Variants in SUCO observed in about 807,000 individuals in gnomAD.
SUCO encodes the protein SUN domain-containing ossification factor.
A neutral mutation model predicts 148.1 loss-of-function variants in SUCO; 57 were observed. The ratio of observed to expected loss-of-function variants is 0.38; its 90% CI spans 0.31 to 0.48. SUCO has a LOEUF of 0.48. Ranked by LOEUF, SUCO falls within the 20% of genes least tolerant of loss-of-function variation. The pLI is 0.96. For missense variants in SUCO, 1,331 were observed against 1,468.2 expected, an observed-to-expected ratio of 0.91 and a Z score of 1.53; for synonymous variants, 470 against 502.7, an observed-to-expected ratio of 0.93 and a Z score of 0.87.
At chr1:172,532,595 G>T (rs528809446), upstream of SUCO, 16 of 1,613,960 alleles carry the variant, frequency 9.9e-6, no homozygotes, top group Middle Eastern at 1.6e-4. Flanking sequence ...GTCATTCTAG[G>T]CCATTCCACG....
intron 3 of SUCO, among the ~76,000 whole-genome samples, chr1:172,555,050 C>T (rs1184512506): frequency 6.6e-6 from 1 of 152,086 alleles, no homozygotes; most frequent in African/African-American, 2.4e-5. Context: ...TTGAGCTGAA[C>T]ATGAGTACCT....
chr1:172,596,271 C>T (rs966356909), intron 19 of SUCO, among the ~76,000 whole-genome samples: 1 of 152,168 alleles, frequency 6.6e-6, no homozygotes, highest in Non-Finnish European at 1.5e-5. Context: ...TTGTCTGAAG[C>T]CTACTTCTGT....
At chr1:172,561,540 A>C (rs1370885202) in intron 6 of SUCO, among the ~76,000 whole-genome samples, 2 of 152,176 alleles carry the variant, frequency 1.3e-5, no homozygotes, top group Admixed American at 1.3e-4. Context: ...TGGGAGAGCA[A>C]ACAAGATTAA....
rs1222319530 is a variant in SUCO, at chr1:172,556,010, A to G, written c.430A>G (p.Ile144Val). ...CTCATCTACCTCAGAAATCACTCCA[A>G]TCTCAAAGCTTGAGTAAGTTGTTAC... The part of the protein sequence containing the change: ...SSSSTSEITP[I>V]SKLDEIEKSG... The change falls in exon 4 of 24, where the codon ATC (isoleucine) becomes GTC (valine). Residue 144 changes from isoleucine (I) to valine (V), a missense_variant. Ile to Val is a conservative substitution (Grantham distance 29). Around this residue, in one of 3 missense-constraint regions of SUCO, gnomAD observed 992 missense variants for 1,093.5 expected, o/e 0.91. Coordinates refer to ENST00000263688, the MANE Select transcript of SUCO (RefSeq NM_014283.5). 6 of 1,611,356 alleles carry G rather than the reference A, an allele frequency of 3.7e-6. No homozygotes were observed. Among genetic ancestry groups the G allele is most frequent in the African/African-American group, 1.3e-5 (1 of 74,846 alleles).
chr1:172,534,470 G>A (rs1651866056), intron 1 of SUCO, among the ~76,000 whole-genome samples: 1 of 152,116 alleles, frequency 6.6e-6, no homozygotes, highest in South Asian at 2.1e-4. Context: ...CATTTTTATG[G>A]ATGCCTTATG....
intron 6 of SUCO, among the ~76,000 whole-genome samples, chr1:172,565,625 G>A (rs1216584477): frequency 1.3e-5 from 2 of 152,196 alleles, no homozygotes; most frequent in Non-Finnish European, 2.9e-5. Context: ...ACTGAGTTGA[G>A]GTCACAGAAT....
At position 172,611,598 on chromosome 1, in the gene SUCO, A is replaced by G. The variant is rs1658218567; in HGVS notation, c.*1339A>G. ...GTTTAAGTTGCTGCTTTAGGTTAAC[A>G]GCGTGTTTTAGAAGATTTAAATTTC... On this transcript the variant is annotated 3_prime_UTR_variant, in exon 24 of 24. Transcript: ENST00000263688. 1 of 152,612 alleles carries G rather than the reference A, an allele frequency of 6.6e-6. No individual in the cohort carries two copies. The highest frequency in any genetic ancestry group is 6.5e-5 in the Admixed American group (1 of 15,268). The allele number at this position is 152,612 out of a possible 1,614,324, so 9.5% of individuals were successfully genotyped here.
chr1:172,601,299 C>T lies in SUCO; in HGVS notation c.3019-765C>T, dbSNP rs147779238. Among the ~76,000 whole-genome samples, 25 of 152,044 alleles carry T rather than the reference C, an allele frequency of 1.6e-4. No individual in the cohort carries two copies. In the East Asian group the frequency reaches 4.1e-3, roughly 25 times the overall value. On this transcript the variant is annotated intron_variant, in intron 20 of 23. Transcript: ENST00000263688. ...GAGGTCAGGAGGTGGAGACCAGCCT[C>T]GCCAACATGATGAAACGCCGTCTCT...
chr1:172,592,068 T>C (rs1656714863), intron 19 of SUCO, among the ~76,000 whole-genome samples: 1 of 152,250 alleles, frequency 6.6e-6, no homozygotes, highest in Admixed American at 6.5e-5. Flanking sequence ...GTTGGCTGCA[T>C]AAATGTCTTC....
At chr1:172,544,116 A>C in intron 1 of SUCO, 5 of 956,158 alleles carry the variant, frequency 5.2e-6, no homozygotes, top group Non-Finnish European at 6.2e-6. Flanking sequence ...ATATTCAAAA[A>C]CTACAATTTT....
chr1:172,551,743 G>A (rs1393246142), intron 2 of SUCO, 117 bp downstream of exon 2: 13 of 631,710 alleles, frequency 2.1e-5, no homozygotes, highest in Non-Finnish European at 3.2e-5. Context: ...GTGGAGATTC[G>A]TATTTTTCTT....
chr1:172,570,479 A>G (rs1654876586), intron 8 of SUCO, 184 bp from the exon 9 acceptor site: 1 of 566,882 alleles, frequency 1.8e-6, no homozygotes, highest in Non-Finnish European at 3.1e-6. Flanking sequence ...ACACTAATTT[A>G]ATGCTGTTGC....
At chr1:172,607,362 G>A (rs1343973859) in intron 22 of SUCO, among the ~76,000 whole-genome samples, 1 of 151,472 alleles carries the variant, frequency 6.6e-6, no homozygotes, top group East Asian at 1.9e-4. Context: ...TGATAATTTG[G>A]ACTGCAAGTT....
At chr1:172,563,554 A>G (rs1160500251) in intron 6 of SUCO, among the ~76,000 whole-genome samples, 1 of 152,208 alleles carries the variant, frequency 6.6e-6, no homozygotes, top group African/African-American at 2.4e-5. Context: ...TCTAGGCAGT[A>G]AAGTATTCAA....
upstream of SUCO, chr1:172,532,745 C>A (rs760324847): frequency 2.2e-5 from 35 of 1,613,802 alleles, no homozygotes; most frequent in South Asian, 3.3e-5. Context: ...TTCTGGAAGG[C>A]AAACTACAAC....
chr1:172,608,808 T>G lies in SUCO; in HGVS notation c.3321+6T>G, dbSNP rs1467726156. ...AGTTTTCTCCAGAAAAGAAGGTAAT[T>G]GTTTATTTCTTTTTAAGTTTATTGC... On this transcript the variant is annotated splice_donor_region_variant and intron_variant, in intron 23 of 23. Transcript: ENST00000263688. 1.3e-6 allele frequency: 2 copies of G among 1,543,702 alleles called. No homozygotes were observed. The highest frequency in any genetic ancestry group is 3.5e-5 in the Admixed American group (2 of 56,606).
At chr1:172,572,074 A>T in intron 9 of SUCO, among the ~76,000 whole-genome samples, 1 of 50,092 alleles carries the variant, frequency 2.0e-5, no homozygotes, top group East Asian at 3.9e-4. Context: ...TCCGGGAGGG[A>T]GGTGGGGGGT....
In SUCO at chr1:172,533,502, G is replaced by A; in HGVS notation, c.62+5G>A. ...CTTTCTGTGCTCTCTGGTCTGGTGA[G>A]TAGCCGCGACGACAAGGGAGTTCCC... On this transcript the variant is annotated splice_donor_5th_base_variant and intron_variant, in intron 1 of 23. Coordinates refer to ENST00000263688, the MANE Select transcript of SUCO (RefSeq NM_014283.5). The A allele has an allele frequency of 1.3e-6, 2 of 1,544,018 alleles. No homozygotes were observed. The highest frequency in any genetic ancestry group is 1.8e-6 in the Non-Finnish European group (2 of 1,140,550).
intron 6 of SUCO, among the ~76,000 whole-genome samples, chr1:172,560,135 A>T (rs76670500): frequency 0.016 from 2,370 of 152,310 alleles, 60 homozygotes; most frequent in African/African-American, 0.054. Flanking sequence ...TGCTAACGTT[A>T]TCTTTACCTG....
Sources: allele counts gnomAD v4.1 joint callset (sites outside exome capture counted in the v4.1 genomes callset), GRCh38; gene constraint gnomAD v4.1.1; regional missense constraint gnomAD v4.1.1; transcripts MANE v1.5; gene names NCBI Gene and HGNC (gene_info 2026-07-23, HGNC 2026-07-21).